Variants in XKR9 observed in about 807,000 individuals in gnomAD.
XKR9 encodes XK-related protein 9.
Under a neutral mutation model 32.0 loss-of-function variants are expected in XKR9, and 32 were observed. The ratio of observed to expected loss-of-function variants is 1.00; its 90% CI spans 0.76 to 1.34. XKR9 has a LOEUF of 1.34. XKR9 is among the 40% of genes most tolerant of loss of function. The pLI is 0.00. For synonymous variants in XKR9, 168 were observed against 143.4 expected, an observed-to-expected ratio of 1.17 and a Z score of -1.22; for missense variants, 546 against 429.7, an observed-to-expected ratio of 1.27 and a Z score of -2.39.
At chr8:70,968,081 G>A in the XKR9 span, among the ~76,000 whole-genome samples, 2 of 152,066 alleles carry the variant, frequency 1.3e-5, no homozygotes, top group African/African-American at 4.8e-5. Flanking sequence ...CCAATCAATC[G>A]TAAATTTGGT....
the XKR9 span, among the ~76,000 whole-genome samples, chr8:70,818,196 A>T: frequency 2.2e-4 from 33 of 147,702 alleles, no homozygotes; most frequent in African/African-American, 3.7e-4. Context: ...TTGTTTATTT[A>T]TTTTTTTTTT....
chr8:71,043,317 G>C, the XKR9 span, among the ~76,000 whole-genome samples: 1 of 152,222 alleles, frequency 6.6e-6, no homozygotes, highest in Non-Finnish European at 1.5e-5. Flanking sequence ...CCCACACCAT[G>C]TTTTGGAATG....
chr8:70,696,204 A>G (rs1354493013), intron 3 of XKR9, among the ~76,000 whole-genome samples: 1 of 152,134 alleles, frequency 6.6e-6, no homozygotes, highest in African/African-American at 2.4e-5. Context: ...TCATTTGTCA[A>G]TTCTGGCTTT....
chr8:71,037,121 C>T, the XKR9 span, among the ~76,000 whole-genome samples: 1 of 152,060 alleles, frequency 6.6e-6, no homozygotes, highest in Non-Finnish European at 1.5e-5. Flanking sequence ...ATCTTATTTG[C>T]TTTGTCTTAT....
chr8:70,996,453 C>T, the XKR9 span, among the ~76,000 whole-genome samples: 1 of 152,100 alleles, frequency 6.6e-6, no homozygotes, highest in African/African-American at 2.4e-5. Context: ...GTTGCACGTT[C>T]AAGAAATAAT....
chr8:70,692,301 T>C (rs1032070759), intron 3 of XKR9, among the ~76,000 whole-genome samples: 14 of 152,180 alleles, frequency 9.2e-5, no homozygotes, highest in African/African-American at 3.4e-4. Context: ...GTTTATCAGC[T>C]GAAGGAGCTT....
the XKR9 span, among the ~76,000 whole-genome samples, chr8:71,000,931 A>C: frequency 6.6e-6 from 1 of 152,238 alleles, no homozygotes; most frequent in African/African-American, 2.4e-5. Context: ...AACAAGAGTT[A>C]GCATAGAAAG....
downstream of XKR9, among the ~76,000 whole-genome samples, chr8:70,792,711 T>G (rs1424763466): frequency 6.6e-6 from 1 of 151,966 alleles, no homozygotes; most frequent in East Asian, 1.9e-4. Context: ...CAAGAAGGCT[T>G]CAAGGAGGGA....
the XKR9 span, among the ~76,000 whole-genome samples, chr8:70,800,474 G>C: frequency 6.6e-6 from 1 of 152,112 alleles, no homozygotes; most frequent in Non-Finnish European, 1.5e-5. Context: ...GAATTTGGCT[G>C]TAAGTCCATC....
the XKR9 span, among the ~76,000 whole-genome samples, chr8:70,987,203 A>G: frequency 3.0e-4 from 46 of 152,288 alleles, no homozygotes; most frequent in African/African-American, 1.1e-3. Flanking sequence ...TCATGTCCTC[A>G]TATTTCAAAA....
In XKR9 at chr8:70,735,260, C is replaced by A. The variant is rs964833106; in HGVS notation, c.*836C>A. 6.6e-5 allele frequency: 10 copies of A among 151,918 alleles called. No homozygotes were observed. The highest frequency in any genetic ancestry group is 2.2e-4 in the African/African-American group (9 of 41,498). The allele number at this position is 151,918 out of a possible 1,614,324, so 9.4% of individuals were successfully genotyped here. On this transcript the variant is annotated 3_prime_UTR_variant, in exon 5 of 5. Coordinates refer to ENST00000408926, the MANE Select transcript of XKR9 (RefSeq NM_001011720.2). The stretch of plus-strand genomic sequence containing the variant: ...TTTATTGAACAAATCCCCATTTCCT[C>A]CTTCCCCAAGTCTCTCTCAACTGAA...
intron 1 of XKR9, among the ~76,000 whole-genome samples, chr8:70,670,248 T>C (rs1437388786): frequency 3.3e-5 from 5 of 152,042 alleles, no homozygotes; most frequent in African/African-American, 1.2e-4. Flanking sequence ...GTTACCTGCC[T>C]GCCCAGAGAG....
chr8:70,969,681 A>T, the XKR9 span, among the ~76,000 whole-genome samples: 1 of 152,208 alleles, frequency 6.6e-6, no homozygotes, highest in East Asian at 1.9e-4. Context: ...AGTATTTGGC[A>T]TGAAGTGTTT....
At chr8:70,759,473 ATCTG>A (rs1158976843) in intron 2 of XKR9, among the ~76,000 whole-genome samples, 1 of 152,226 alleles carries the variant, frequency 6.6e-6, no homozygotes, top group African/African-American at 2.4e-5. Context: ...TTTGGAAATA[ATCTG>A]TCTGACAGAT....
the XKR9 span, among the ~76,000 whole-genome samples, chr8:70,889,177 A>G: frequency 5.3e-5 from 8 of 150,868 alleles, no homozygotes; most frequent in Admixed American, 3.3e-4. Flanking sequence ...CCTTAATTAC[A>G]TTTATTCCTC....
At chr8:70,691,493 A>C (rs896478441) in intron 3 of XKR9, among the ~76,000 whole-genome samples, 11 of 152,152 alleles carry the variant, frequency 7.2e-5, no homozygotes, top group African/African-American at 2.7e-4. Context: ...GCCTGTTCCT[A>C]GATCCAGGAT....
chr8:70,858,865 T>C, the XKR9 span, among the ~76,000 whole-genome samples: 2 of 152,088 alleles, frequency 1.3e-5, no homozygotes, highest in African/African-American at 4.8e-5. Flanking sequence ...TTAAAATGGA[T>C]TTAAGACTTA....
intron 4 of XKR9, among the ~76,000 whole-genome samples, chr8:70,721,521 C>T (rs1806281196): frequency 6.6e-6 from 1 of 152,180 alleles, no homozygotes; most frequent in Non-Finnish European, 1.5e-5. Context: ...TCATTGGTTT[C>T]AAATAACTTA....
At chr8:70,795,217 G>C (rs1157962488), downstream of XKR9, among the ~76,000 whole-genome samples, 2 of 152,038 alleles carry the variant, frequency 1.3e-5, no homozygotes, top group East Asian at 3.9e-4. Flanking sequence ...ACTTGTAAGT[G>C]AGAACATACG....
Sources: gnomAD v4.1 joint callset for allele counts (sites outside exome capture counted in the v4.1 genomes callset) on GRCh38, gnomAD v4.1.1 for gene constraint, MANE v1.5 for transcripts, NCBI Gene and HGNC (gene_info 2026-07-23, HGNC 2026-07-21) for gene names.